RIPOR2: variants seen among roughly 807,000 people sequenced by gnomAD.
RIPOR2 encodes the protein rho family-interacting cell polarization regulator 2.
In RIPOR2, 39 loss-of-function variants were observed where a neutral mutation model predicts 114.5. That is an observed-to-expected ratio of 0.34 (90% CI 0.26 to 0.44). RIPOR2 has a LOEUF of 0.44. RIPOR2 is among the 20% of genes least tolerant of loss of function. RIPOR2 has a pLI of 1.00. For missense variants in RIPOR2, 1,007 were observed against 1,255.1 expected, an observed-to-expected ratio of 0.80 and a Z score of 2.99; for synonymous variants, 445 against 484.4, an observed-to-expected ratio of 0.92 and a Z score of 1.07.
intron 6 of RIPOR2, among the ~76,000 whole-genome samples, chr6:24,868,550 G>C (rs1248314362): frequency 1.3e-5 from 2 of 152,162 alleles, no homozygotes; most frequent in Non-Finnish European, 2.9e-5. Flanking sequence ...TTCAGGGCTG[G>C]GTGTCAGGGA....
chr6:24,926,223 G>A (rs1180824891), intron 1 of RIPOR2, among the ~76,000 whole-genome samples: 1 of 152,208 alleles, frequency 6.6e-6, no homozygotes, highest in Non-Finnish European at 1.5e-5. Flanking sequence ...GTAAAGTGGT[G>A]ATGGGGGAGG....
chr6:24,966,267 GCT>G (rs760673692), intron 1 of RIPOR2, among the ~76,000 whole-genome samples: 2 of 152,110 alleles, frequency 1.3e-5, no homozygotes, highest in Non-Finnish European at 2.9e-5. Flanking sequence ...TTACCATCAA[GCT>G]CTCTGCAGAA....
intron 1 of RIPOR2, among the ~76,000 whole-genome samples, chr6:24,917,599 G>C (rs559281650): frequency 5.5e-4 from 83 of 152,104 alleles, no homozygotes; most frequent in African/African-American, 1.7e-3. Context: ...GCGCGATCTT[G>C]CCTCACTGCA....
intron 1 of RIPOR2, among the ~76,000 whole-genome samples, chr6:25,006,398 C>T (rs1317521705): frequency 6.6e-6 from 1 of 152,194 alleles, no homozygotes; most frequent in African/African-American, 2.4e-5. Flanking sequence ...AGATCTCAAA[C>T]AAATAATTAC....
At chr6:25,006,283 A>G (rs1460803119) in intron 1 of RIPOR2, among the ~76,000 whole-genome samples, 2 of 152,246 alleles carry the variant, frequency 1.3e-5, no homozygotes, top group African/African-American at 4.8e-5. Context: ...TTAATTGAGC[A>G]CCTACTATAA....
At chr6:24,945,408 A>C (rs1772355031) in intron 1 of RIPOR2, among the ~76,000 whole-genome samples, 1 of 152,198 alleles carries the variant, frequency 6.6e-6, no homozygotes, top group Non-Finnish European at 1.5e-5. Context: ...AGTAACTCAA[A>C]GCCATAAGAA....
rs1335122006 is a variant in RIPOR2 at position 24,837,268 on chromosome 6, G to A, written c.2040-1397C>T. On this transcript the variant is annotated intron_variant, in intron 14 of 21. Coordinates refer to ENST00000643898, the MANE Select transcript of RIPOR2 (RefSeq NM_001286445.3). ...CTCCTGAGTAACTAGGACTACAGGC[G>A]TACACCACCATGCCTGGCTAATTTT... 3.4e-4 allele frequency among the ~76,000 whole-genome samples: 51 copies of A among 151,906 alleles called. 2 individuals are homozygous for A. Among genetic ancestry groups the A allele is most frequent in the Admixed American group, 3.2e-3 (49 of 15,222 alleles).
chr6:24,918,098 T>A (rs1770216369), intron 1 of RIPOR2, among the ~76,000 whole-genome samples: 1 of 152,140 alleles, frequency 6.6e-6, no homozygotes, highest in Admixed American at 6.5e-5. Flanking sequence ...TCCAGGTGGG[T>A]CTAGCCAATG....
intron 1 of RIPOR2, among the ~76,000 whole-genome samples, chr6:25,012,636 A>G (rs1208459697): frequency 6.6e-6 from 1 of 152,250 alleles, no homozygotes; most frequent in Admixed American, 6.5e-5. Context: ...AATGTTACTT[A>G]TGATCAGATG....
chr6:24,965,728 A>G (rs569346474), intron 1 of RIPOR2, among the ~76,000 whole-genome samples: 168 of 152,354 alleles, frequency 1.1e-3, no homozygotes, highest in African/African-American at 3.7e-3. Context: ...AATCTAGAAA[A>G]AGAAAAGCTA....
rs773356912 is a variant in RIPOR2, at chr6:24,843,030, G to C, written c.1689C>G (p.Leu563=). 2 of 1,609,664 alleles carry C rather than the reference G, an allele frequency of 1.2e-6. No homozygotes were observed. Among genetic ancestry groups the C allele is most frequent in the African/African-American group, 1.3e-5 (1 of 74,936 alleles). Residue 563 remains leucine, a synonymous_variant, in exon 13 of 22, where the codon CTC becomes CTG. Transcript: ENST00000643898. ...ATTCTCCACCAACAGAACCCTCAGAGAGCAGCCTGTCTGTGGCCATTGGCA... is the reference window on the plus strand; with the variant it reads ...ATTCTCCACCAACAGAACCCTCAGACAGCAGCCTGTCTGTGGCCATTGGCA... ...AEVPMATDRL[L]SEGSVGGESE...
chr6:24,847,748 T>C, intron 12 of RIPOR2: 1 of 1,487,404 alleles, frequency 6.7e-7, no homozygotes, highest in Admixed American at 2.3e-5. Flanking sequence ...TTACTACATT[T>C]TGTTAGCTTT....
intron 18 of RIPOR2, among the ~76,000 whole-genome samples, chr6:24,827,187 T>A (rs1439727448): frequency 6.6e-6 from 1 of 152,204 alleles, no homozygotes; most frequent in Non-Finnish European, 1.5e-5. Flanking sequence ...AACAAGGTCT[T>A]TCTGCCCATG....
chr6:24,860,940 C>T (rs181812759), intron 8 of RIPOR2, 33 bp downstream of exon 8: 1 of 1,386,820 alleles, frequency 7.2e-7, no homozygotes, highest in Non-Finnish European at 1.0e-6. Context: ...GCAGAGATGG[C>T]TCCTTATTCT....
chr6:24,986,743 T>G (rs1170646605), intron 1 of RIPOR2, among the ~76,000 whole-genome samples: 1 of 152,120 alleles, frequency 6.6e-6, no homozygotes, highest in East Asian at 1.9e-4. Flanking sequence ...TTGCTGGAGA[T>G]ATGTAGTCTG....
chr6:25,034,107 T>TA (rs1777126906), intron 1 of RIPOR2, among the ~76,000 whole-genome samples: 1 of 151,368 alleles, frequency 6.6e-6, no homozygotes, highest in African/African-American at 2.4e-5. Flanking sequence ...TATATATATA[T>TA]TTAGTATATT....
intron 19 of RIPOR2, among the ~76,000 whole-genome samples, chr6:24,820,326 C>G (rs9348649): frequency 1.3e-5 from 2 of 151,918 alleles, no homozygotes; most frequent in South Asian, 4.1e-4. Context: ...CCACTGCACA[C>G]GGCCCCTGTT....
At chr6:24,928,136 T>G (rs1771104762) in intron 1 of RIPOR2, among the ~76,000 whole-genome samples, 1 of 152,210 alleles carries the variant, frequency 6.6e-6, no homozygotes, top group Admixed American at 6.5e-5. Context: ...TAGAGATGCT[T>G]GTGGAGATTA....
intron 6 of RIPOR2, among the ~76,000 whole-genome samples, chr6:24,868,092 A>G (rs550743768): frequency 1.6e-4 from 24 of 152,326 alleles, no homozygotes; most frequent in Admixed American, 2.6e-4. Flanking sequence ...AAATAGGAGC[A>G]ATTTCAGATT....
Sources: allele counts gnomAD v4.1 joint callset (sites outside exome capture counted in the v4.1 genomes callset), GRCh38; gene constraint gnomAD v4.1.1; transcripts MANE v1.5; gene names NCBI Gene and HGNC (gene_info 2026-07-23, HGNC 2026-07-21).